The following STK31 variants were observed in gnomAD, a reference collection of about 807,000 sequenced individuals.
STK31 encodes the protein serine/threonine-protein kinase 31.
STK31 carries 89 observed loss-of-function variants against 129.7 expected under a neutral mutation model. The ratio of observed to expected loss-of-function variants is 0.69; its 90% CI spans 0.58 to 0.82. The LOEUF (loss-of-function observed/expected upper bound fraction) is 0.82. STK31 is among the 40% of genes least tolerant of loss of function. STK31 has a pLI of 0.00. For missense variants in STK31, 1,187 were observed against 1,176.4 expected, an observed-to-expected ratio of 1.01 and a Z score of -0.13; for synonymous variants, 448 against 395.3, an observed-to-expected ratio of 1.13 and a Z score of -1.58.
chr7:23,712,780 T>C (rs1584309130), intron 3 of STK31, among the ~76,000 whole-genome samples: 1 of 152,112 alleles, frequency 6.6e-6, no homozygotes, highest in Non-Finnish European at 1.5e-5. Context: ...TTAGGTAAGG[T>C]TACTCAGTTT....
intron 8 of STK31, among the ~76,000 whole-genome samples, chr7:23,749,097 T>C (rs1432919046): frequency 6.6e-6 from 1 of 152,270 alleles, no homozygotes; most frequent in Non-Finnish European, 1.5e-5. Flanking sequence ...TGTTTTGATA[T>C]CTAACATTTC....
At position 23,755,983 on chromosome 7, in the gene STK31, T is replaced by G. The variant is rs919896840; in HGVS notation, c.1293+1509T>G. On this transcript the variant is annotated intron_variant, in intron 10 of 23. Coordinates refer to ENST00000355870, the MANE Select transcript of STK31 (RefSeq NM_031414.5). ...AGGATTATCTTGGCTATATGGGGTCTTCTTTGAATCCATATGAAATTTAAA... is the reference window on the plus strand; with the variant it reads ...AGGATTATCTTGGCTATATGGGGTCGTCTTTGAATCCATATGAAATTTAAA... Among the ~76,000 whole-genome samples the G allele has an allele frequency of 5.3e-5, 8 of 152,356 alleles. No homozygotes were observed. In the East Asian group the frequency reaches 7.7e-4, roughly 15 times the overall value.
At chr7:23,806,362 T>G (rs183579579) in intron 22 of STK31, among the ~76,000 whole-genome samples, 1 of 152,280 alleles carries the variant, frequency 6.6e-6, no homozygotes, top group East Asian at 1.9e-4. Context: ...TAAGAGACAA[T>G]GGGAAAGTTA....
chr7:23,752,725 G>C lies in STK31; in HGVS notation c.1026G>C (p.Lys342Asn). 6.2e-7 allele frequency: 1 copy of C among 1,611,100 alleles called. No homozygotes were observed. The highest frequency in any genetic ancestry group is 8.5e-7 in the Non-Finnish European group (1 of 1,177,464). ...TTTATTCTTTGTTTCAGCAAGAGAA[G>C]GCAGCTGCTGTGGATTTGACTAACC... ...EQIAQELQQEKAAAVDLTNHL... is the reference protein window; with the variant it reads ...EQIAQELQQENAAAVDLTNHL... Residue 342 changes from lysine to asparagine, a missense_variant, in exon 9 of 24, where the codon AAG (lysine) becomes AAC (asparagine). By Grantham distance (94) the Lys-to-Asn change is moderately conservative. This residue lies in a region of STK31 where 975 missense variants were observed against 934.9 expected (regional missense o/e 1.04). Coordinates refer to ENST00000355870, the MANE Select transcript of STK31 (RefSeq NM_031414.5).
intron 8 of STK31, among the ~76,000 whole-genome samples, chr7:23,749,532 G>T (rs4722264): frequency 0.64 from 87,563 of 137,226 alleles, 26,891 homozygotes; most frequent in Admixed American, 0.73. Context: ...TTTTTTTTTT[G>T]GGGGTAGAGA....
Position 23,790,955 on chromosome 7 carries a change from T to G in STK31, c.2760+9T>G. 1 of 1,538,816 alleles carries G rather than the reference T, an allele frequency of 6.5e-7. No individual in the cohort carries two copies. Among genetic ancestry groups the G allele is most frequent in the East Asian group, 2.3e-5 (1 of 42,918 alleles). On this transcript the variant is annotated intron_variant, in intron 22 of 23. Coordinates refer to ENST00000355870, the MANE Select transcript of STK31 (RefSeq NM_031414.5). ...GCTGCCTCTTATTATGGGTATGTTATTTTTTTGTTGAAATAGATCATATAT... is the reference window on the plus strand; with the variant it reads ...GCTGCCTCTTATTATGGGTATGTTAGTTTTTTGTTGAAATAGATCATATAT...
At chr7:23,787,462 G>T (rs1024373334) in intron 20 of STK31, among the ~76,000 whole-genome samples, 1 of 152,068 alleles carries the variant, frequency 6.6e-6, no homozygotes, top group Non-Finnish European at 1.5e-5. Flanking sequence ...TCTGTGGCCT[G>T]TTAAGAACAG....
At chr7:23,714,295 A>G (rs540811844) in intron 3 of STK31, among the ~76,000 whole-genome samples, 100 of 152,330 alleles carry the variant, frequency 6.6e-4, no homozygotes, top group African/African-American at 2.2e-3. Flanking sequence ...TTCCATGCCC[A>G]TTGTCTCTGT....
intron 10 of STK31, among the ~76,000 whole-genome samples, chr7:23,757,757 T>C (rs543250705): frequency 6.6e-5 from 10 of 152,034 alleles, no homozygotes; most frequent in Non-Finnish European, 1.0e-4. Flanking sequence ...GCACAGACCC[T>C]TTATGGGTGT....
chr7:23,818,084 T>C (rs1014958230), intron 23 of STK31, among the ~76,000 whole-genome samples: 1 of 152,074 alleles, frequency 6.6e-6, no homozygotes, highest in African/African-American at 2.4e-5. Flanking sequence ...TATATTTAAA[T>C]TTCCCTAATT....
chr7:23,752,423 C>T (rs961169875), intron 8 of STK31, among the ~76,000 whole-genome samples: 3 of 150,608 alleles, frequency 2.0e-5, no homozygotes, highest in African/African-American at 7.3e-5. Context: ...AATCTCGCCT[C>T]GCTGCAACCT....
intron 22 of STK31, among the ~76,000 whole-genome samples, chr7:23,798,142 C>G (rs1234536305): frequency 1.3e-5 from 2 of 152,088 alleles, no homozygotes; most frequent in African/African-American, 4.8e-5. Context: ...CAGGACCAGA[C>G]AGATACACAG....
chr7:23,728,764 T>G (rs1454171420), intron 5 of STK31, among the ~76,000 whole-genome samples: 2 of 152,148 alleles, frequency 1.3e-5, no homozygotes. Flanking sequence ...ATTTTAACAT[T>G]AGGAGAAACA....
chr7:23,770,685 G>A (rs1169475853), intron 13 of STK31, among the ~76,000 whole-genome samples: 1 of 152,022 alleles, frequency 6.6e-6, no homozygotes, highest in African/African-American at 2.4e-5. Context: ...TGTGATCCTA[G>A]CTCACTGCAG....
intron 15 of STK31, among the ~76,000 whole-genome samples, chr7:23,776,020 TGAGAA>T (rs1335934524): frequency 1.3e-5 from 2 of 152,240 alleles, no homozygotes. Flanking sequence ...CCTAGTTAGT[TGAGAA>T]TTTTTAGCAA....
Position 23,710,298 on chromosome 7 carries a change from G to A in STK31, c.13G>A (p.Gly5Ser), listed in dbSNP as rs1785850385. ...CCGAAAGTCCAGTATGTGGGTCCAG[G>A]GTCACTCTTCTAGAGCTTCCGCAAC... MWVQGHSSRASATES... is the reference protein window; with the variant it reads MWVQSHSSRASATES... The change falls in exon 1 of 24, where the codon GGT (glycine) becomes AGT (serine). Residue 5 changes from glycine to serine, a missense_variant. Around this residue, in one of 5 missense-constraint regions of STK31, gnomAD observed 104 missense variants for 98.3 expected, o/e 1.06. Coordinates refer to ENST00000355870, the MANE Select transcript of STK31 (RefSeq NM_031414.5). 4 of 1,613,124 alleles carry A rather than the reference G, an allele frequency of 2.5e-6. No homozygotes were observed. Among genetic ancestry groups the A allele is most frequent in the Non-Finnish European group, 3.4e-6 (4 of 1,179,928 alleles).
Position 23,728,962 on chromosome 7 carries a change from AT to A in STK31, c.325-125del, listed in dbSNP as rs1355593109. On this transcript the variant is annotated intron_variant, in intron 5 of 23. Coordinates refer to ENST00000355870, the MANE Select transcript of STK31 (RefSeq NM_031414.5). ...ATATTAGAAATCTGTTTCTGAATGTATTTTGTCATTTTGAGGTAAGAATGCT... is the reference window on the plus strand; with the variant it reads ...ATATTAGAAATCTGTTTCTGAATGTATTTGTCATTTTGAGGTAAGAATGCT... 5.7e-6 allele frequency: 4 copies of A among 697,270 alleles called. No homozygotes were observed. The African/African-American group carries it at 7.4e-5, about 13-fold the overall frequency. The allele number at this position is 697,270 out of a possible 1,614,324, so 43.2% of individuals were successfully genotyped here.
intron 8 of STK31, among the ~76,000 whole-genome samples, chr7:23,740,784 TG>T (rs773911940): frequency 5.3e-5 from 8 of 152,184 alleles, no homozygotes; most frequent in Admixed American, 3.3e-4. Flanking sequence ...CTGAGAATGA[TG>T]GTTTCCAGCT....
intron 23 of STK31, among the ~76,000 whole-genome samples, chr7:23,819,160 T>G (rs1030088166): frequency 1.8e-4 from 27 of 152,218 alleles, no homozygotes; most frequent in African/African-American, 5.8e-4. Context: ...GGAGCATGTG[T>G]TATTTTTTCT....
Sources: allele counts gnomAD v4.1 joint callset (sites outside exome capture counted in the v4.1 genomes callset), GRCh38; gene constraint gnomAD v4.1.1; regional missense constraint gnomAD v4.1.1; transcripts MANE v1.5; gene names NCBI Gene and HGNC (gene_info 2026-07-23, HGNC 2026-07-21).